The following THOC2 variants were observed in gnomAD, a reference collection of about 807,000 sequenced individuals.
THOC2 encodes THO complex subunit 2.
THOC2 carries 10 observed loss-of-function variants against 128.4 expected under a neutral mutation model. The observed-to-expected ratio is 0.08, with a 90% CI of 0.05 to 0.13. The LOEUF (loss-of-function observed/expected upper bound fraction) is 0.13. Among genes scored for constraint, THOC2 ranks in the 10% least tolerant of loss-of-function variants. THOC2 has a pLI of 1.00. For synonymous variants in THOC2, 393 were observed against 396.9 expected, an observed-to-expected ratio of 0.99 and a Z score of 0.12; for missense variants, 535 against 1,155.7, an observed-to-expected ratio of 0.46 and a Z score of 7.79.
intron 8 of THOC2, among the ~76,000 whole-genome samples, chrX:123,673,452 C>T (rs1361105158): frequency 8.9e-6 from 1 of 111,927 alleles, no homozygotes; most frequent in Admixed American, 9.5e-5. Context: ...CTCACAAAAG[C>T]TTATTTAACT....
At chrX:123,642,589 T>C (rs938165344) in intron 15 of THOC2, among the ~76,000 whole-genome samples, 46 of 110,457 alleles carry the variant, frequency 4.2e-4, no homozygotes, top group African/African-American at 1.3e-3. Context: ...ATGCTATTGA[T>C]AATATAAAAG....
chrX:123,694,259 A>G (rs1026453077), intron 7 of THOC2, among the ~76,000 whole-genome samples: 25 of 111,622 alleles, frequency 2.2e-4, no homozygotes, highest in Non-Finnish European at 1.5e-4. Flanking sequence ...GCAAAGCAGT[A>G]CTGAAAACCT....
intron 7 of THOC2, among the ~76,000 whole-genome samples, chrX:123,688,193 T>A (rs1445430973): frequency 8.9e-6 from 1 of 112,069 alleles, no homozygotes; most frequent in Non-Finnish European, 1.9e-5. Flanking sequence ...TAATATACAA[T>A]ACTCCTCAAA....
chrX:123,638,586 GA>G (rs760093164), intron 17 of THOC2, among the ~76,000 whole-genome samples: 111 of 110,699 alleles, frequency 1.0e-3, no homozygotes, highest in African/African-American at 3.4e-3. Context: ...TTGAACCCAG[GA>G]GGCGGAGGTT....
At chrX:123,703,725 CAAAAAAAAA>C (rs761049104) in intron 3 of THOC2, among the ~76,000 whole-genome samples, 4 of 29,783 alleles carry the variant, frequency 1.3e-4, no homozygotes, top group Admixed American at 5.5e-4. Context: ...CCATCTCTAC[CAAAAAAAAA>C]AAAAAAAAAA....
intron 8 of THOC2, among the ~76,000 whole-genome samples, chrX:123,684,099 G>A (rs754250110): frequency 1.3e-4 from 14 of 110,337 alleles, no homozygotes; most frequent in Non-Finnish European, 2.1e-4. Flanking sequence ...TTTTAATTCA[G>A]CTCAGAAAAG....
chrX:123,603,837 A>T (rs1465215884), intron 38 of THOC2: 9 of 191,453 alleles, frequency 4.7e-5, no homozygotes, highest in African/African-American at 2.7e-4. Context: ...GTATTTTAAT[A>T]AAATAATGCT....
At chrX:123,603,690 G>A (rs1473540518) in intron 38 of THOC2, 5 of 444,591 alleles carry the variant, frequency 1.1e-5, no homozygotes, top group Non-Finnish European at 2.0e-5. Context: ...TGAGAGTGAC[G>A]CACGGAGCTT....
At chrX:123,711,958 TAA>T (rs55916247) in intron 2 of THOC2, among the ~76,000 whole-genome samples, 5 of 46,840 alleles carry the variant, frequency 1.1e-4, no homozygotes, top group Non-Finnish European at 1.4e-4. Flanking sequence ...CTGTCTACTT[TAA>T]AAAAAAAAAA....
intron 18 of THOC2, among the ~76,000 whole-genome samples, chrX:123,636,698 C>G (rs1216790878): frequency 9.0e-6 from 1 of 111,583 alleles, no homozygotes; most frequent in African/African-American, 3.3e-5. Flanking sequence ...TAGAAGCAGA[C>G]AAGAGACCAA....
chrX:123,641,263 C>G (rs891676629), intron 15 of THOC2, among the ~76,000 whole-genome samples: 1 of 112,036 alleles, frequency 8.9e-6, no homozygotes, highest in African/African-American at 3.2e-5. Flanking sequence ...TACACAGAAT[C>G]TTAAATGCCT....
chrX:123,710,746 T>A (rs2051146063), intron 2 of THOC2, among the ~76,000 whole-genome samples: 1 of 109,402 alleles, frequency 9.1e-6, no homozygotes, highest in Non-Finnish European at 1.9e-5. Context: ...TCCCAGCTCT[T>A]TGGGAGGCTA....
intron 12 of THOC2, among the ~76,000 whole-genome samples, chrX:123,664,289 G>A (rs1249704072): frequency 3.6e-5 from 4 of 112,027 alleles, no homozygotes; most frequent in Admixed American, 9.5e-5. Flanking sequence ...TCAGGACATA[G>A]GCATGGGCAA....
chrX:123,615,356 C>A, intron 33 of THOC2, among the ~76,000 whole-genome samples: 1 of 111,181 alleles, frequency 9.0e-6, no homozygotes, highest in Non-Finnish European at 1.9e-5. Context: ...CTCAGAAATA[C>A]TGCCATAGCA....
chrX:123,674,492 G>C (rs2049403620), intron 8 of THOC2, among the ~76,000 whole-genome samples: 1 of 111,594 alleles, frequency 9.0e-6, no homozygotes, highest in Non-Finnish European at 1.9e-5. Flanking sequence ...TATGTAACTG[G>C]ATCATGATTT....
intron 7 of THOC2, among the ~76,000 whole-genome samples, chrX:123,688,678 A>C (rs777749630): frequency 6.3e-5 from 7 of 110,971 alleles, no homozygotes; most frequent in African/African-American, 2.0e-4. Context: ...AGTCAAGAAG[A>C]AGCAAATTGA....
intron 28 of THOC2, chrX:123,623,496 G>A (rs2047158114): frequency 1.8e-6 from 1 of 542,312 alleles, no homozygotes; most frequent in Admixed American, 5.4e-5. Context: ...CTTAAACTAA[G>A]ATGGCTTTTT....
chrX:123,694,140 G>A lies in THOC2; in HGVS notation c.601+1881C>T, dbSNP rs148093780. Among the ~76,000 whole-genome samples the A allele has an allele frequency of 6.5e-3, 712 of 109,657 alleles. 4 individuals are homozygous for A. The highest frequency in any genetic ancestry group is 0.022 in the African/African-American group (655 of 30,048). ...CTCACAAGAAATAGAAGAAACAGATGTCAACAAAAAAGGATATAAAGTTAA... is the reference window on the plus strand; with the variant it reads ...CTCACAAGAAATAGAAGAAACAGATATCAACAAAAAAGGATATAAAGTTAA... On this transcript the variant is annotated intron_variant, in intron 7 of 38. Coordinates refer to ENST00000245838, the MANE Select transcript of THOC2 (RefSeq NM_001081550.2).
At position 123,696,172 on chromosome X, in the gene THOC2, T is replaced by C. The variant is rs767837004; in HGVS notation, c.468-18A>G. On this transcript the variant is annotated intron_variant, in intron 6 of 38. Transcript: ENST00000245838. ...GCTTATAACTGAAATCAGATAAATA[T>C]CATTAAGGGGATAAAATTAATTTTA... 9 of 1,076,092 alleles carry C rather than the reference T, an allele frequency of 8.4e-6. No individual in the cohort carries two copies. In the South Asian group the frequency reaches 1.8e-4, roughly 21 times the overall value. 88.7% of individuals were successfully genotyped at this position (1,076,092 alleles called of 1,213,427 possible).
Sources: allele counts gnomAD v4.1 joint callset (sites outside exome capture counted in the v4.1 genomes callset), GRCh38; gene constraint gnomAD v4.1.1; transcripts MANE v1.5; gene names NCBI Gene and HGNC (gene_info 2026-07-23, HGNC 2026-07-21).